NXN: variants seen among roughly 807,000 people sequenced by gnomAD.
NXN encodes nucleoredoxin, also known as nucleoredoxin 1.
NXN carries 16 observed loss-of-function variants against 48.6 expected under a neutral mutation model. The observed-to-expected ratio is 0.33, with a 90% CI of 0.22 to 0.50. The LOEUF is 0.50. NXN is among the 20% of genes least tolerant of loss of function. The pLI is 0.98. For synonymous variants in NXN, 281 were observed against 269.6 expected (o/e 1.04, Z -0.41); for missense variants, 492 against 605.5 (o/e 0.81, Z 1.97).
chr17:969,426 G>C (rs1430688358), intron 1 of NXN, among the ~76,000 whole-genome samples: 1 of 152,162 alleles, frequency 6.6e-6, no homozygotes, highest in Non-Finnish European at 1.5e-5. Context: ...TACCATAATG[G>C]AGTATTTTTG....
intron 1 of NXN, among the ~76,000 whole-genome samples, chr17:902,871 C>A (rs1418479427): frequency 6.6e-6 from 1 of 151,722 alleles, no homozygotes; most frequent in East Asian, 1.9e-4. Context: ...CTCCGCCTCC[C>A]GGGTTCAAGC....
chr17:957,362 A>G (rs2069182568), intron 1 of NXN, among the ~76,000 whole-genome samples: 1 of 151,568 alleles, frequency 6.6e-6, no homozygotes. Flanking sequence ...GGCCGGGCGC[A>G]GGGGCTCACT....
At chr17:883,232 G>A (rs755799678) in intron 1 of NXN, among the ~76,000 whole-genome samples, 16 of 152,042 alleles carry the variant, frequency 1.1e-4, no homozygotes, top group Admixed American at 2.0e-4. Context: ...AGACAGCGAC[G>A]GTGTCAATCA....
rs746089084 is a variant in NXN, at chr17:825,914, G to C, written c.478+47C>G. ...AGATTAGCCTAAGGGCATGGAGGAGGGAGGGCTGGGTAATAAGAGGACCAT... is the reference window on the plus strand; with the variant it reads ...AGATTAGCCTAAGGGCATGGAGGAGCGAGGGCTGGGTAATAAGAGGACCAT... On this transcript the variant is annotated intron_variant, in intron 2 of 7. Coordinates refer to ENST00000336868, the MANE Select transcript of NXN (RefSeq NM_022463.5). The surrounding 1 kb of genome is among the most constrained non-coding windows in gnomAD (Gnocchi z 4.1). The C allele has an allele frequency of 8.2e-7, 1 of 1,219,504 alleles. No homozygotes were observed. Among genetic ancestry groups the C allele is most frequent in the East Asian group, 2.3e-5 (1 of 43,066 alleles). 75.5% of individuals were successfully genotyped at this position (1,219,504 alleles called of 1,614,324 possible). A position where few individuals can be genotyped will look rare whatever the true frequency, so the allele number is the denominator to read the frequency against.
In NXN at chr17:937,714, C is replaced by G. The variant is rs143916292; in HGVS notation, c.360+41605G>C. 4.8e-3 allele frequency among the ~76,000 whole-genome samples: 737 copies of G among 152,310 alleles called. 7 individuals are homozygous for G. Among genetic ancestry groups the G allele is most frequent in the East Asian group, 0.028 (146 of 5,178 alleles). ...GAGACAGACATCAAAGGCATCCGAGCTGGCAGCCCACAACAGGTCACGCTG... is the reference window on the plus strand; with the variant it reads ...GAGACAGACATCAAAGGCATCCGAGGTGGCAGCCCACAACAGGTCACGCTG... On this transcript the variant is annotated intron_variant, in intron 1 of 7. Coordinates refer to ENST00000336868, the MANE Select transcript of NXN (RefSeq NM_022463.5).
intron 5 of NXN, among the ~76,000 whole-genome samples, chr17:807,772 C>T (rs1462168377): frequency 6.6e-6 from 1 of 152,260 alleles, no homozygotes; most frequent in Non-Finnish European, 1.5e-5. Flanking sequence ...TGCCAGGCTG[C>T]CTCCCCTCAG....
intron 1 of NXN, among the ~76,000 whole-genome samples, chr17:844,572 CTTTTTTTCTTTTCT>C (rs2067839138): frequency 1.3e-5 from 2 of 152,214 alleles, no homozygotes; most frequent in South Asian, 4.2e-4. Flanking sequence ...TACAAGGTTT[CTTTTTTTCTTTTCT>C]TTTTTTTCTT....
rs551572086 is a variant in NXN, at chr17:850,603, C to T, written c.361-24525G>A. On this transcript the variant is annotated intron_variant, in intron 1 of 7. Transcript: ENST00000336868. The stretch of plus-strand genomic sequence containing the variant: ...CTGTCTCCAGTGGGGCTGGGGGGCA[C>T]CCAGTTTTGCTCACTCGCTCTCTCC... 8.5e-5 allele frequency among the ~76,000 whole-genome samples: 13 copies of T among 152,162 alleles called. No homozygotes were observed. In the East Asian group the frequency reaches 2.5e-3, roughly 29 times the overall value.
chr17:948,707 C>T (rs376606353), intron 1 of NXN, among the ~76,000 whole-genome samples: 34 of 151,998 alleles, frequency 2.2e-4, no homozygotes, highest in African/African-American at 7.7e-4. Flanking sequence ...GGGCCTCACC[C>T]CGGCCCGTCC....
intron 7 of NXN, among the ~76,000 whole-genome samples, chr17:801,443 C>CTTTTTTTTTTTTTTT (rs71371579): frequency 1.9e-5 from 2 of 104,316 alleles, no homozygotes; most frequent in Non-Finnish European, 3.6e-5. Flanking sequence ...ATGTCACATT[C>CTTTTTTTTTTTTTTT]TTTTTTTTTT....
rs1450181529 is a variant in NXN at position 958,686 on chromosome 17, A to G, written c.360+20633T>C. ...CTCAGGAGGCTGAGGCAGGAGAATC[A>G]CCGAGGCGGAGGTAGAAGTGAGCCC... On this transcript the variant is annotated intron_variant, in intron 1 of 7. Coordinates refer to ENST00000336868, the MANE Select transcript of NXN (RefSeq NM_022463.5). The surrounding 1 kb of genome is among the most constrained non-coding windows in gnomAD (Gnocchi z 6.9). Among the ~76,000 whole-genome samples, 2 of 152,034 alleles carry G rather than the reference A, an allele frequency of 1.3e-5. No individual in the cohort carries two copies. Among genetic ancestry groups the G allele is most frequent in the African/African-American group, 2.4e-5 (1 of 41,384 alleles).
At chr17:881,692 C>T (rs1031105593) in intron 1 of NXN, among the ~76,000 whole-genome samples, 3 of 152,156 alleles carry the variant, frequency 2.0e-5, no homozygotes, top group South Asian at 2.1e-4. Flanking sequence ...TTCCCCACCC[C>T]AAACTGACAA....
intron 1 of NXN, among the ~76,000 whole-genome samples, chr17:886,638 C>T (rs539778889): frequency 3.3e-5 from 5 of 152,212 alleles, no homozygotes; most frequent in East Asian, 3.9e-4. Context: ...ATTAGCCGGG[C>T]GTGGTGGCAC....
At chr17:955,909 AAAAAG>A (rs1272195464) in intron 1 of NXN, among the ~76,000 whole-genome samples, 4 of 151,828 alleles carry the variant, frequency 2.6e-5, no homozygotes, top group Non-Finnish European at 5.9e-5. Context: ...CTCAAAAAAA[AAAAAG>A]AGAGAGAGAG....
intron 1 of NXN, among the ~76,000 whole-genome samples, chr17:868,110 A>G (rs2068111983): frequency 6.6e-6 from 1 of 152,136 alleles, no homozygotes; most frequent in South Asian, 2.1e-4. Context: ...GGACACTGGC[A>G]AGAGTTCCAG....
intron 1 of NXN, among the ~76,000 whole-genome samples, chr17:864,812 C>A (rs1465294665): frequency 1.3e-5 from 2 of 152,166 alleles, no homozygotes; most frequent in East Asian, 1.9e-4. Flanking sequence ...CTGCAAATCT[C>A]CTGAAAACGG....
chr17:886,195 T>C (rs1225936999), intron 1 of NXN, among the ~76,000 whole-genome samples: 1 of 152,042 alleles, frequency 6.6e-6, no homozygotes, highest in Non-Finnish European at 1.5e-5. Context: ...GTCCCCAGTG[T>C]TAGGCAGAGT....
At chr17:848,469 C>T (rs1052385611) in intron 1 of NXN, among the ~76,000 whole-genome samples, 4 of 152,210 alleles carry the variant, frequency 2.6e-5, no homozygotes, top group African/African-American at 4.8e-5. Flanking sequence ...GGTACTGCTA[C>T]GGCTTAACAC....
At position 948,815 on chromosome 17, in the gene NXN, C is replaced by G. The variant is rs376063575; in HGVS notation, c.360+30504G>C. 2.7e-3 allele frequency among the ~76,000 whole-genome samples: 395 copies of G among 148,988 alleles called. 1 individual carries two copies. The highest frequency in any genetic ancestry group is 9.2e-3 in the African/African-American group (369 of 40,188). ...CAGCAGGGCCAGGGCACGGCCTCCTCCTCTCCCCGCGGCCTCCTCCTCTCC... is the reference window on the plus strand; with the variant it reads ...CAGCAGGGCCAGGGCACGGCCTCCTGCTCTCCCCGCGGCCTCCTCCTCTCC... On this transcript the variant is annotated intron_variant, in intron 1 of 7. Transcript: ENST00000336868.
Sources: allele counts gnomAD v4.1 joint callset (sites outside exome capture counted in the v4.1 genomes callset), GRCh38; gene constraint gnomAD v4.1.1; non-coding constraint Gnocchi (gnomAD v3.1); transcripts MANE v1.5; gene names NCBI Gene and HGNC (gene_info 2026-07-23, HGNC 2026-07-21).